Variants in PLXDC2 observed in about 807,000 individuals in gnomAD.
PLXDC2 encodes plexin domain-containing protein 2.
Under a neutral mutation model 68.9 loss-of-function variants are expected in PLXDC2, and 40 were observed. That is an observed-to-expected ratio of 0.58 (90% CI 0.45 to 0.76). The LOEUF is 0.76. Among genes scored for constraint, PLXDC2 ranks in the 30% least tolerant of loss-of-function variants. The pLI is 0.00. For missense variants in PLXDC2, 644 were observed against 661.9 expected (o/e 0.97, Z 0.30); for synonymous variants, 243 against 234.2 (o/e 1.04, Z -0.34).
chr10:20,107,936 A>C (rs1428111883), intron 4 of PLXDC2, among the ~76,000 whole-genome samples: 1 of 152,190 alleles, frequency 6.6e-6, no homozygotes, highest in Non-Finnish European at 1.5e-5. Flanking sequence ...TATTTTTAAT[A>C]ATTATTTTAG....
rs148671103 is a variant in PLXDC2 at position 20,068,063 on chromosome 10, A to G, written c.472-107A>G. On this transcript the variant is annotated intron_variant, in intron 3 of 13. Coordinates refer to ENST00000377252, the MANE Select transcript of PLXDC2 (RefSeq NM_032812.9). Reference sequence around the variant, plus strand: ...GTTTTAAAAGAGAACTACAATAATTATGGGGTAAAGTAGAAGCATCATTTT... The same window carrying G: ...GTTTTAAAAGAGAACTACAATAATTGTGGGGTAAAGTAGAAGCATCATTTT... 5.3e-4 allele frequency: 464 copies of G among 881,020 alleles called. 2 individuals carry two copies. The highest frequency in any genetic ancestry group is 4.8e-3 in the African/African-American group (280 of 58,876). The allele number at this position is 881,020 out of a possible 1,614,324, so 54.6% of individuals were successfully genotyped here.
intron 7 of PLXDC2, among the ~76,000 whole-genome samples, chr10:20,165,033 G>C (rs148601468): frequency 0.015 from 2,281 of 152,134 alleles, 59 homozygotes; most frequent in African/African-American, 0.051. Context: ...GTGTTGCCCA[G>C]GCTGGTCTTG....
chr10:19,939,034 C>T (rs762941135), intron 1 of PLXDC2, among the ~76,000 whole-genome samples: 10 of 152,010 alleles, frequency 6.6e-5, no homozygotes, highest in African/African-American at 1.5e-4. Context: ...TTGTATATAA[C>T]GATGAGGGAG....
At chr10:19,899,010 C>T (rs1290187535) in intron 1 of PLXDC2, among the ~76,000 whole-genome samples, 2 of 152,096 alleles carry the variant, frequency 1.3e-5, no homozygotes, top group Admixed American at 6.6e-5. Context: ...GAAATGAATA[C>T]ATTATAAAAT....
chr10:20,238,659 A>AAC (rs1835466176), intron 12 of PLXDC2, among the ~76,000 whole-genome samples: 4 of 127,334 alleles, frequency 3.1e-5, no homozygotes, highest in Non-Finnish European at 6.4e-5. Context: ...CCATCTCAAA[A>AAC]AAAATATATA....
chr10:19,858,442 A>T (rs1837256442), intron 1 of PLXDC2, among the ~76,000 whole-genome samples: 1 of 152,200 alleles, frequency 6.6e-6, no homozygotes, highest in African/African-American at 2.4e-5. Context: ...TCTTGAAATC[A>T]TTCTCCCTTT....
chr10:20,247,295 A>C (rs1325282592), intron 13 of PLXDC2, among the ~76,000 whole-genome samples: 4 of 121,100 alleles, frequency 3.3e-5, no homozygotes, highest in African/African-American at 1.5e-4. Context: ...CTTCATCTCT[A>C]CAAAAAAAAA....
intron 4 of PLXDC2, among the ~76,000 whole-genome samples, chr10:20,102,818 A>T (rs1833440249): frequency 6.6e-6 from 1 of 152,168 alleles, no homozygotes; most frequent in South Asian, 2.1e-4. Context: ...CTGGAGGTAT[A>T]ATTTTAGGAG....
At chr10:20,053,054 G>A (rs1052791092) in intron 3 of PLXDC2, among the ~76,000 whole-genome samples, 3 of 152,100 alleles carry the variant, frequency 2.0e-5, no homozygotes, top group Admixed American at 6.6e-5. Flanking sequence ...AATAAAGTAA[G>A]TTTTCCCTTT....
intron 7 of PLXDC2, among the ~76,000 whole-genome samples, chr10:20,169,864 G>C (rs1405656021): frequency 6.6e-6 from 1 of 152,154 alleles, no homozygotes; most frequent in Non-Finnish European, 1.5e-5. Context: ...TTATGACAGT[G>C]ACTATATCTG....
intron 1 of PLXDC2, among the ~76,000 whole-genome samples, chr10:19,851,248 C>T (rs979320130): frequency 6.6e-6 from 1 of 152,158 alleles, no homozygotes; most frequent in African/African-American, 2.4e-5. Flanking sequence ...TAGATTAGGG[C>T]CTTTCCTATA....
intron 3 of PLXDC2, among the ~76,000 whole-genome samples, chr10:20,062,478 G>A (rs1474007284): frequency 2.0e-5 from 3 of 151,894 alleles, no homozygotes; most frequent in African/African-American, 4.8e-5. Flanking sequence ...GTTAAATAAT[G>A]TATGAAATCG....
intron 13 of PLXDC2, among the ~76,000 whole-genome samples, chr10:20,276,017 C>G (rs181581476): frequency 6.6e-6 from 1 of 152,050 alleles, no homozygotes; most frequent in Non-Finnish European, 1.5e-5. Flanking sequence ...AGTAACAAGA[C>G]GTGACTTTCC....
intron 12 of PLXDC2, among the ~76,000 whole-genome samples, chr10:20,230,947 C>T (rs1317614491): frequency 6.6e-6 from 1 of 150,642 alleles, no homozygotes; most frequent in East Asian, 1.9e-4. Context: ...ATAGACTACA[C>T]TCTTTGACTG....
In PLXDC2 at chr10:20,082,064, C is replaced by CAAAAAAAAAAAAAAAAAAA. The variant is rs1252447303; in HGVS notation, c.541+13837_541+13838insAAAAAAAAAAAAAAAAAAA. On this transcript the variant is annotated intron_variant, in intron 4 of 13. Coordinates refer to ENST00000377252, the MANE Select transcript of PLXDC2 (RefSeq NM_032812.9). ...CCATCTGAAAAAAAAAAAAAAAAAT[C>CAAAAAAAAAAAAAAAAAAA]AAAAAAAAAAAACAGGAGAAGTCTG... is the stretch of plus-strand genomic sequence containing the variant. 1.6e-4 allele frequency among the ~76,000 whole-genome samples: 11 copies of CAAAAAAAAAAAAAAAAAAA among 70,156 alleles called. 4 individuals are homozygous for CAAAAAAAAAAAAAAAAAAA. Among genetic ancestry groups the CAAAAAAAAAAAAAAAAAAA allele is most frequent in the East Asian group, 1.2e-3 (2 of 1,636 alleles). The allele number at this position is 70,156 out of a possible 152,430, so 46.0% of individuals were successfully genotyped here.
chr10:19,859,430 A>G (rs1158213617), intron 1 of PLXDC2, among the ~76,000 whole-genome samples: 1 of 152,102 alleles, frequency 6.6e-6, no homozygotes, highest in African/African-American at 2.4e-5. Context: ...TTCAGACTGT[A>G]CCTTTTGGTG....
At chr10:19,961,459 A>G (rs1834152889) in intron 1 of PLXDC2, among the ~76,000 whole-genome samples, 1 of 152,256 alleles carries the variant, frequency 6.6e-6, no homozygotes, top group South Asian at 2.1e-4. Context: ...GCTTGTAAGA[A>G]AAGAAAAATT....
chr10:20,192,416 T>C (rs1033725962), intron 9 of PLXDC2, among the ~76,000 whole-genome samples: 1 of 152,010 alleles, frequency 6.6e-6, no homozygotes, highest in African/African-American at 2.4e-5. Flanking sequence ...ATTGAGGTTA[T>C]TGCAAAGTGC....
intron 9 of PLXDC2, among the ~76,000 whole-genome samples, chr10:20,187,880 C>T (rs981231306): frequency 2.6e-5 from 4 of 151,710 alleles, no homozygotes; most frequent in Non-Finnish European, 4.4e-5. Context: ...TTTAACATTA[C>T]GTTCCCCACA....
Sources: gnomAD v4.1 joint callset for allele counts (sites outside exome capture counted in the v4.1 genomes callset) on GRCh38, gnomAD v4.1.1 for gene constraint, MANE v1.5 for transcripts, NCBI Gene and HGNC (gene_info 2026-07-23, HGNC 2026-07-21) for gene names.